Variants in NTRK2 observed in about 807,000 individuals in gnomAD.
The protein encoded by NTRK2 is BDNF/NT-3 growth factors receptor.
Under a neutral mutation model 94.5 loss-of-function variants are expected in NTRK2, and 13 were observed. The ratio of observed to expected loss-of-function variants is 0.14; its 90% CI spans 0.09 to 0.22. The LOEUF (loss-of-function observed/expected upper bound fraction) is 0.22, where lower values mean the gene tolerates loss of function less well. Ranked by LOEUF, NTRK2 falls within the 10% of genes least tolerant of loss-of-function variation. The pLI, the probability that NTRK2 is intolerant of heterozygous loss-of-function variation, is 1.00. For synonymous variants in NTRK2, 372 were observed against 407.4 expected (o/e 0.91, Z 1.05); for missense variants, 639 against 1,071.2 (o/e 0.60, Z 5.63).
chr9:84,763,018 C>G (rs1355483453), intron 12 of NTRK2, among the ~76,000 whole-genome samples: 1 of 152,294 alleles, frequency 6.6e-6, no homozygotes, highest in East Asian at 1.9e-4. Context: ...TCTTGTGTTC[C>G]TAACCAAGTT....
chr9:84,784,776 A>G (rs544297453), intron 12 of NTRK2, among the ~76,000 whole-genome samples: 2 of 152,324 alleles, frequency 1.3e-5, no homozygotes, highest in Non-Finnish European at 2.9e-5. Context: ...TTGGTCAACT[A>G]ATTCATGCCC....
chr9:84,687,871 C>G (rs987216281), intron 2 of NTRK2, among the ~76,000 whole-genome samples: 7 of 152,120 alleles, frequency 4.6e-5, no homozygotes, highest in Non-Finnish European at 7.4e-5. Context: ...ACAAACAGAG[C>G]CCCCAGTCAG....
chr9:84,740,283 G>A (rs2063548019), intron 9 of NTRK2, among the ~76,000 whole-genome samples: 1 of 152,190 alleles, frequency 6.6e-6, no homozygotes, highest in Non-Finnish European at 1.5e-5. Flanking sequence ...CATTGAGTTA[G>A]CCCTCAAACT....
chr9:84,678,588 T>G (rs2131366614), intron 2 of NTRK2, among the ~76,000 whole-genome samples: 1 of 152,334 alleles, frequency 6.6e-6, no homozygotes, highest in South Asian at 2.1e-4. Context: ...ACCTCTCTTT[T>G]CTGGGCTTGG....
rs1187362 is a variant in NTRK2 at position 84,723,352 on chromosome 9, T to A, written c.584-221T>A. Reference sequence around the variant, plus strand: ...TATTCGGCAATAATGCTTTAAGTAATGTGCATAATTTATTTTGAAATCTAA... The same window carrying A: ...TATTCGGCAATAATGCTTTAAGTAAAGTGCATAATTTATTTTGAAATCTAA... On this transcript the variant is annotated intron_variant, in intron 6 of 18. Transcript: ENST00000277120. 0.66 allele frequency among the ~76,000 whole-genome samples: 100,983 copies of A among 152,098 alleles called. 33,983 individuals carry two copies. The highest frequency in any genetic ancestry group is 0.73 in the East Asian group (3,797 of 5,186).
At position 84,669,902 on chromosome 9, in the gene NTRK2, A is replaced by T. The variant is rs2058589443; in HGVS notation, c.-373+14A>T. ...GCCGGAGCCCGGGTGAGCAGCGCAG[A>T]TAGTGCCCTCGGTCGCCTCGGCCCT... On this transcript the variant is annotated intron_variant, in intron 1 of 18. Coordinates refer to ENST00000277120, the MANE Select transcript of NTRK2 (RefSeq NM_006180.6). This position sits in a 1 kb window ranked among gnomAD's most constrained non-coding sequence, Gnocchi z 4.1. 1 of 152,226 alleles carries T rather than the reference A, an allele frequency of 6.6e-6. No individual in the cohort carries two copies. Among genetic ancestry groups the T allele is most frequent in the African/African-American group, 2.4e-5 (1 of 41,416 alleles). 9.4% of individuals were successfully genotyped at this position (152,226 alleles called of 1,614,324 possible).
intron 2 of NTRK2, among the ~76,000 whole-genome samples, chr9:84,693,677 C>G (rs897021438): frequency 1.3e-5 from 2 of 152,134 alleles, no homozygotes; most frequent in Admixed American, 6.5e-5. Context: ...CATGTGCAGT[C>G]TGGTTTTCTA....
intron 12 of NTRK2, among the ~76,000 whole-genome samples, chr9:84,848,475 A>G (rs2074582805): frequency 6.6e-6 from 1 of 152,162 alleles, no homozygotes; most frequent in Admixed American, 6.6e-5. Flanking sequence ...CTATTTACCA[A>G]CTATGAATTT....
intron 12 of NTRK2, among the ~76,000 whole-genome samples, chr9:84,802,337 C>G (rs1415438353): frequency 6.6e-6 from 1 of 152,148 alleles, no homozygotes; most frequent in East Asian, 1.9e-4. Flanking sequence ...CCTTTACAAT[C>G]CAGGGTTTTC....
chr9:85,011,958 ATTATTTTATTTTATT>A (rs57166564), intron 17 of NTRK2, among the ~76,000 whole-genome samples: 1 of 131,738 alleles, frequency 7.6e-6, no homozygotes, highest in East Asian at 2.3e-4. Context: ...TATGTAGAGC[ATTATTTTATTTTATT>A]TTATTTTATT....
intron 12 of NTRK2, among the ~76,000 whole-genome samples, chr9:84,776,705 T>A (rs932412290): frequency 6.6e-6 from 1 of 152,184 alleles, no homozygotes; most frequent in Non-Finnish European, 1.5e-5. Flanking sequence ...TTGTATCAAT[T>A]CTCTCTTCCA....
At chr9:84,714,156 T>G (rs1023732171) in intron 6 of NTRK2, among the ~76,000 whole-genome samples, 2 of 152,206 alleles carry the variant, frequency 1.3e-5, no homozygotes, top group Non-Finnish European at 2.9e-5. Context: ...CAGCTGTTTC[T>G]CCAGCTGCTG....
chr9:84,913,363 T>C (rs894139360), intron 14 of NTRK2, among the ~76,000 whole-genome samples: 7 of 152,168 alleles, frequency 4.6e-5, no homozygotes, highest in Non-Finnish European at 1.0e-4. Flanking sequence ...TTACTTTCCC[T>C]TTCCATTCAT....
intron 6 of NTRK2, among the ~76,000 whole-genome samples, chr9:84,715,046 ATAT>A (rs1164762003): frequency 1.3e-5 from 2 of 152,146 alleles, no homozygotes; most frequent in Non-Finnish European, 2.9e-5. Context: ...CATCATAGAG[ATAT>A]TATATGGAGA....
chr9:84,952,562 C>T (rs1318544369), intron 16 of NTRK2, among the ~76,000 whole-genome samples: 4 of 152,142 alleles, frequency 2.6e-5, no homozygotes, highest in African/African-American at 9.7e-5. Context: ...CAGCGTTAAC[C>T]GTTATTTCTG....
chr9:84,745,199 G>C (rs1407800563), intron 11 of NTRK2, 126 bp downstream of exon 11: 6 of 699,292 alleles, frequency 8.6e-6, no homozygotes. Flanking sequence ...TAACACCTAG[G>C]TTGGAAGAAT....
At chr9:84,983,877 A>G (rs1827963791) in intron 17 of NTRK2, among the ~76,000 whole-genome samples, 1 of 152,194 alleles carries the variant, frequency 6.6e-6, no homozygotes, top group African/African-American at 2.4e-5. Flanking sequence ...CTAGGGTCAC[A>G]CCCTGTCTGA....
intron 16 of NTRK2, among the ~76,000 whole-genome samples, chr9:84,949,110 T>C (rs1056419490): frequency 6.6e-6 from 1 of 152,058 alleles, no homozygotes; most frequent in Non-Finnish European, 1.5e-5. Flanking sequence ...GAGTCAAGGC[T>C]GAAAGGGTGG....
intron 12 of NTRK2, among the ~76,000 whole-genome samples, chr9:84,839,754 A>G (rs1424545163): frequency 9.9e-5 from 15 of 152,206 alleles, no homozygotes; most frequent in Admixed American, 9.8e-4. Flanking sequence ...CCCGGGAGCT[A>G]TGCTGCCGCC....
Sources: gnomAD v4.1 joint callset for allele counts (sites outside exome capture counted in the v4.1 genomes callset) on GRCh38, gnomAD v4.1.1 for gene constraint, Gnocchi (gnomAD v3.1) non-coding constraint, MANE v1.5 for transcripts, NCBI Gene and HGNC (gene_info 2026-07-23, HGNC 2026-07-21) for gene names.